Variants in CYP4F22 observed in about 807,000 individuals in gnomAD.
CYP4F22 encodes ultra-long-chain fatty acid omega-hydroxylase.
Under a neutral mutation model 60.4 loss-of-function variants are expected in CYP4F22, and 37 were observed. The ratio of observed to expected loss-of-function variants is 0.61; its 90% CI spans 0.47 to 0.81. The LOEUF is 0.81. Among genes scored for constraint, CYP4F22 ranks in the 30% least tolerant of loss-of-function variants. The pLI, the probability that CYP4F22 is intolerant of heterozygous loss-of-function variation, is 0.00. For missense variants in CYP4F22, 655 were observed against 715.0 expected, an observed-to-expected ratio of 0.92 and a Z score of 0.96; for synonymous variants, 258 against 280.5, an observed-to-expected ratio of 0.92 and a Z score of 0.80.
Position 15,548,160 on chromosome 19 carries a change from C to T in CYP4F22, c.1189C>T (p.Arg397Cys), listed in dbSNP as rs572771583. The T allele has an allele frequency of 1.4e-5, 23 of 1,614,010 alleles. No individual in the cohort carries two copies. The highest frequency in any genetic ancestry group is 1.8e-5 in the Non-Finnish European group (21 of 1,180,010). ...FTTMCIKESLRQYPPVTLVSR... is the reference protein window; with the variant it reads ...FTTMCIKESLCQYPPVTLVSR... ...AACTATGTGCATTAAGGAGAGCCTG[C>T]GCCAGTACCCACCTGTCACTCTTGT... is the stretch of plus-strand genomic sequence containing the variant. The change falls in exon 11 of 14, where the codon CGC becomes TGC. Residue 397 changes from arginine to cysteine, a missense_variant. Around this residue, in one of 3 missense-constraint regions of CYP4F22, gnomAD observed 74 missense variants for 118.4 expected, o/e 0.62. Transcript: ENST00000269703.
intron 7 of CYP4F22, 24 bp from the exon 8 acceptor site, chr19:15,540,426 C>T: frequency 6.2e-7 from 1 of 1,613,938 alleles, no homozygotes; most frequent in Non-Finnish European, 8.5e-7. Context: ...GGGCTACACT[C>T]ATGGATCCCC....
Position 15,525,472 on chromosome 19 carries a change from T to C in CYP4F22, c.136T>C (p.Cys46Arg). The change falls in exon 3 of 14, where the codon TGC (cysteine) becomes CGC (arginine). Residue 46 changes from cysteine (C) to arginine (R), a missense_variant. This residue lies in a region of CYP4F22 where 430 missense variants were observed against 457.1 expected (regional missense o/e 0.94). Transcript: ENST00000269703. ...CCTGCTGCTGCGGTTCCTGAGGCTC[T>C]GCAGGAGCTTCTACATCACCTGCCG... is the stretch of plus-strand genomic sequence containing the variant. ...FRLLLRFLRL[C>R]RSFYITCRRL... 6.2e-7 allele frequency: 1 copy of C among 1,614,066 alleles called. No individual in the cohort carries two copies. Among genetic ancestry groups the C allele is most frequent in the South Asian group, 1.1e-5 (1 of 91,088 alleles).
chr19:15,537,431 TAGGCTG>T lies in CYP4F22; in HGVS notation c.421+18_421+23del, dbSNP rs535257155. The T allele has an allele frequency of 1.7e-5, 27 of 1,614,142 alleles. No individual in the cohort carries two copies. The African/African-American group carries it at 2.9e-4, about 18-fold the overall frequency. ...CTTGGCTAGGTGAGTGCCCAGTGGG[TAGGCTG>T]GGGCTGGGGCTTTAGAGAAGAGAGG... On this transcript the variant is annotated intron_variant, in intron 5 of 13. Transcript: ENST00000269703.
intron 4 of CYP4F22, among the ~76,000 whole-genome samples, chr19:15,531,406 G>A (rs998489561): frequency 2.0e-5 from 3 of 151,312 alleles, no homozygotes; most frequent in Admixed American, 1.3e-4. Context: ...AAAAGTGGGA[G>A]ATTCCAGGAA....
At position 15,551,388 on chromosome 19, in the gene CYP4F22, A is replaced by G. The variant is rs7256787; in HGVS notation, c.1513A>G (p.Lys505Glu). The change falls in exon 14 of 14, where the codon AAG becomes GAG. Residue 505 changes from lysine to glutamate, a missense_variant. Coordinates refer to ENST00000269703, the MANE Select transcript of CYP4F22 (RefSeq NM_173483.4). Reference protein sequence around the residue: ...RFRLSVDRTRKVRRKPELILR... With the variant: ...RFRLSVDRTREVRRKPELILR... ...CCGCCTGAGCGTGGACCGAACGCGC[A>G]AGGTGCGGCGGAAGCCGGAGCTCAT... 1.2e-6 allele frequency: 2 copies of G among 1,609,912 alleles called. No individual in the cohort carries two copies. The highest frequency in any genetic ancestry group is 1.7e-4 in the Middle Eastern group (1 of 6,058).
chr19:15,526,045 A>T (rs1028874367), intron 3 of CYP4F22, among the ~76,000 whole-genome samples: 2 of 151,394 alleles, frequency 1.3e-5, no homozygotes, highest in African/African-American at 2.4e-5. Context: ...CACACCTGTA[A>T]TCCCAGCTAC....
Position 15,548,200 on chromosome 19 carries a change from C to T in CYP4F22, c.1229C>T (p.Thr410Met), listed in dbSNP as rs763409773. Reference sequence around the variant, plus strand: ...GTCACTCTTGTCTCTCGCCAATGCACGGAGGACATCAAGCTCCCAGATGGG... The same window carrying T: ...GTCACTCTTGTCTCTCGCCAATGCATGGAGGACATCAAGCTCCCAGATGGG... ...PPVTLVSRQC[T>M]EDIKLPDGRI... The change falls in exon 11 of 14, where the codon ACG becomes ATG. Residue 410 changes from threonine to methionine, a missense_variant. This residue lies in a region of CYP4F22 where 74 missense variants were observed against 118.4 expected (regional missense o/e 0.62). Coordinates refer to ENST00000269703, the MANE Select transcript of CYP4F22 (RefSeq NM_173483.4). 1.2e-5 allele frequency: 20 copies of T among 1,614,010 alleles called. 1 individual carries two copies. Among genetic ancestry groups the T allele is most frequent in the Middle Eastern group, 1.6e-4 (1 of 6,084 alleles).
rs372180595 is a variant in CYP4F22 at position 15,550,285 on chromosome 19, T to TAACA, written c.1336-370_1336-367dup. Among the ~76,000 whole-genome samples the TAACA allele has an allele frequency of 1.9e-4, 29 of 151,624 alleles. 1 individual carries two copies. The East Asian group carries it at 3.1e-3, about 16-fold the overall frequency. ...TCCAGCCTGAGTGAGACTCTGACTC[T>TAACA]AACAAACAAACAAACAAACAAAGAC... is the stretch of plus-strand genomic sequence containing the variant. On this transcript the variant is annotated intron_variant, in intron 12 of 13. Coordinates refer to ENST00000269703, the MANE Select transcript of CYP4F22 (RefSeq NM_173483.4).
chr19:15,528,334 T>A (rs1599798314), intron 3 of CYP4F22, among the ~76,000 whole-genome samples: 1 of 151,932 alleles, frequency 6.6e-6, no homozygotes, highest in Non-Finnish European at 1.5e-5. Context: ...ATACCTAGAG[T>A]CCCAGTGCCT....
At chr19:15,549,248 C>T (rs768822772) in intron 12 of CYP4F22, 46 bp downstream of exon 12, 1 of 1,606,026 alleles carries the variant, frequency 6.2e-7, no homozygotes, top group Non-Finnish European at 8.5e-7. Context: ...CCTCCCCTCC[C>T]CTGCGCCCCA....
At chr19:15,545,648 C>CAAAAAAAAA (rs1217096575) in intron 10 of CYP4F22, among the ~76,000 whole-genome samples, 147 of 38,810 alleles carry the variant, frequency 3.8e-3, no homozygotes, top group Middle Eastern at 0.022. Context: ...GACCCTGTCT[C>CAAAAAAAAA]AAAAAAAAAA....
At chr19:15,537,706 G>C (rs1971414059) in intron 6 of CYP4F22, 44 bp downstream of exon 6, 1 of 1,607,626 alleles carries the variant, frequency 6.2e-7, no homozygotes, top group Non-Finnish European at 8.5e-7. Flanking sequence ...TTGGGAGTGA[G>C]GCTGGTCCAG....
At position 15,548,330 on chromosome 19, in the gene CYP4F22, C is replaced by CA. The variant is rs938030452; in HGVS notation, c.1270+90dup. 6.3e-6 allele frequency: 10 copies of CA among 1,579,332 alleles called. No homozygotes were observed. In the African/African-American group the frequency reaches 1.2e-4, roughly 19 times the overall value. On this transcript the variant is annotated intron_variant, in intron 11 of 13. Coordinates refer to ENST00000269703, the MANE Select transcript of CYP4F22 (RefSeq NM_173483.4). ...CACAGGGGCCTGGCTATGCCTGCCC[C>CA]AGGTGCACTATCCCTGCAGATGGGA...
chr19:15,514,236 C>A (rs1324368305), intron 1 of CYP4F22, among the ~76,000 whole-genome samples: 1 of 152,152 alleles, frequency 6.6e-6, no homozygotes, highest in Admixed American at 6.5e-5. Context: ...ATTTGCATCA[C>A]TGAAATGGTG....
rs1871440426 is a variant in CYP4F22 at position 15,525,367 on chromosome 19, C to T, written c.31C>T (p.Leu11Phe). Residue 11 changes from leucine to phenylalanine, a missense_variant, in exon 3 of 14, where the codon CTC (leucine) becomes TTC (phenylalanine). Around this residue, in one of 3 missense-constraint regions of CYP4F22, gnomAD observed 430 missense variants for 457.1 expected, o/e 0.94. Coordinates refer to ENST00000269703, the MANE Select transcript of CYP4F22 (RefSeq NM_173483.4). ...GCCCATCACAGACCGCCTGCTGCAC[C>T]TCCTGGGGCTGGAGAAGACGGCGTT... MLPITDRLLH[L>F]LGLEKTAFRI... 1.2e-6 allele frequency: 2 copies of T among 1,614,034 alleles called. No individual in the cohort carries two copies. The highest frequency in any genetic ancestry group is 1.7e-6 in the Non-Finnish European group (2 of 1,180,040).
At chr19:15,541,714 C>T (rs1416511209) in intron 8 of CYP4F22, among the ~76,000 whole-genome samples, 1 of 151,584 alleles carries the variant, frequency 6.6e-6, no homozygotes, top group African/African-American at 2.4e-5. Flanking sequence ...AACCCCATCT[C>T]TACTAAAAAT....
At chr19:15,540,835 A>T in intron 8 of CYP4F22, 118 bp downstream of exon 8, 1 of 1,355,162 alleles carries the variant, frequency 7.4e-7, no homozygotes, top group Non-Finnish European at 1.0e-6. Flanking sequence ...GTGTAATCCC[A>T]GCGCTTTGGG....
intron 12 of CYP4F22, among the ~76,000 whole-genome samples, chr19:15,550,283 TCTAA>T (rs1279331144): frequency 2.6e-5 from 4 of 151,360 alleles, no homozygotes; most frequent in Non-Finnish European, 2.9e-5. Context: ...AGACTCTGAC[TCTAA>T]CAAACAAACA....
rs748818073 is a variant in CYP4F22 at position 15,537,889 on chromosome 19, G to A, written c.567G>A (p.Leu189=). 10 of 1,613,994 alleles carry A rather than the reference G, an allele frequency of 6.2e-6. No individual in the cohort carries two copies. Among genetic ancestry groups the A allele is most frequent in the Non-Finnish European group, 8.5e-6 (10 of 1,180,034 alleles). The change falls in exon 7 of 14, where the codon CTG becomes CTA. Residue 189 remains leucine, a synonymous_variant. Transcript: ENST00000269703. ...TCTTCCAGGCTAAATGGCGGCATCTGGCAGAGGGCTCAGCGGTCTCCCTTG... is the reference window on the plus strand; with the variant it reads ...TCTTCCAGGCTAAATGGCGGCATCTAGCAGAGGGCTCAGCGGTCTCCCTTG... ...ADIMHAKWRH[L]AEGSAVSLDM...
Sources: allele counts gnomAD v4.1 joint callset (sites outside exome capture counted in the v4.1 genomes callset), GRCh38; gene constraint gnomAD v4.1.1; regional missense constraint gnomAD v4.1.1; transcripts MANE v1.5; gene names NCBI Gene and HGNC (gene_info 2026-07-23, HGNC 2026-07-21).